Variants in ALOX12 observed in about 807,000 individuals in gnomAD.
ALOX12 encodes the protein arachidonate 12-lipoxygenase, 12S type, also known as polyunsaturated fatty acid lipoxygenase ALOX12.
A neutral mutation model predicts 85.5 loss-of-function variants in ALOX12; 62 were observed. That is an observed-to-expected ratio of 0.73 (90% CI 0.59 to 0.90). ALOX12 has a LOEUF of 0.90. Ranked by LOEUF, ALOX12 falls within the 40% of genes least tolerant of loss-of-function variation. The pLI, the probability that ALOX12 is intolerant of heterozygous loss-of-function variation, is 0.00. For synonymous variants in ALOX12, 299 were observed against 332.7 expected, an observed-to-expected ratio of 0.90 and a Z score of 1.10; for missense variants, 751 against 856.5, an observed-to-expected ratio of 0.88 and a Z score of 1.54.
Position 6,996,962 on chromosome 17 carries a change from A to T in ALOX12, c.272A>T (p.Glu91Val), listed in dbSNP as rs766775354. 1.3e-6 allele frequency: 2 copies of T among 1,589,594 alleles called. No homozygotes were observed. Among genetic ancestry groups the T allele is most frequent in the Admixed American group, 1.8e-5 (1 of 56,000 alleles). The change falls in exon 2 of 14, where the codon GAG becomes GTG. Residue 91 changes from glutamate to valine, a missense_variant. Glu to Val is a moderately radical substitution (Grantham distance 121, BLOSUM62 -2). Transcript: ENST00000251535. The part of the protein sequence containing the change: ...ITVQGPGACA[E>V]VAFPCYRWVQ... ...GTGCAGGGCCCTGGAGCCTGCGCGGAGGTGGCCTTCCCGTGCTACCGCTGG... is the reference window on the plus strand; with the variant it reads ...GTGCAGGGCCCTGGAGCCTGCGCGGTGGTGGCCTTCCCGTGCTACCGCTGG...
Position 7,010,283 on chromosome 17 carries a change from C to T in ALOX12, c.1852C>T (p.Pro618Ser). 1.2e-6 allele frequency: 2 copies of T among 1,614,116 alleles called. No individual in the cohort carries two copies. The highest frequency in any genetic ancestry group is 1.7e-6 in the Non-Finnish European group (2 of 1,180,036). Residue 618 changes from proline to serine, a missense_variant, in exon 14 of 14, where the codon CCC (proline) becomes TCC (serine). Transcript: ENST00000251535. ...CCACAAAGAAAAATATTTCTCAGGC[C>T]CCAAGCCCAAAGCTGTGCTAAACCA... ...GHHKEKYFSG[P>S]KPKAVLNQFR...
chr17:7,009,951 T>G lies in ALOX12; in HGVS notation c.1642-5T>G. On this transcript the variant is annotated splice_polypyrimidine_tract_variant and splice_region_variant and intron_variant, in intron 12 of 13. Coordinates refer to ENST00000251535, the MANE Select transcript of ALOX12 (RefSeq NM_000697.3). Reference sequence around the variant, plus strand: ...GGGTTCTAGGGTTACAGTTTCTTCCTCCAGCTGGACTGGTATGCCTGGGTC... The same window carrying G: ...GGGTTCTAGGGTTACAGTTTCTTCCGCCAGCTGGACTGGTATGCCTGGGTC... The G allele has an allele frequency of 6.2e-7, 1 of 1,613,462 alleles. No individual in the cohort carries two copies. Among genetic ancestry groups the G allele is most frequent in the Non-Finnish European group, 8.5e-7 (1 of 1,179,494 alleles).
chr17:7,007,382 G>A (rs1363884095), intron 11 of ALOX12, among the ~76,000 whole-genome samples: 1 of 152,188 alleles, frequency 6.6e-6, no homozygotes, highest in African/African-American at 2.4e-5. Context: ...TTCAGATCTA[G>A]GCTGTGAATA....
At chr17:6,999,162 T>A (rs1908588704) in intron 5 of ALOX12, 106 bp downstream of exon 5, 1 of 1,472,976 alleles carries the variant, frequency 6.8e-7, no homozygotes, top group Non-Finnish European at 9.3e-7. Flanking sequence ...CCTTATCATA[T>A]CTGGTCAACT....
chr17:6,996,225 G>A lies in ALOX12; in HGVS notation c.108G>A (p.Glu36=). 8.0e-7 allele frequency: 1 copy of A among 1,249,382 alleles called. No individual in the cohort carries two copies. The highest frequency in any genetic ancestry group is 3.9e-5 in the South Asian group (1 of 25,472). 77.4% of individuals were successfully genotyped at this position (1,249,382 alleles called of 1,614,324 possible). A position where few individuals can be genotyped will look rare whatever the true frequency, so the allele number is the denominator to read the frequency against. The change falls in exon 1 of 14, where the codon GAG becomes GAA. Residue 36 remains glutamate, a synonymous_variant. Coordinates refer to ENST00000251535, the MANE Select transcript of ALOX12 (RefSeq NM_000697.3). Reference sequence around the variant, plus strand: ...GGACGCGCGGGGAGGCGGAGCTGGAGCTGCAGCTGCGGCCCGCGCGGGGCG... The same window carrying A: ...GGACGCGCGGGGAGGCGGAGCTGGAACTGCAGCTGCGGCCCGCGCGGGGCG... ...LVGTRGEAEL[E]LQLRPARGEE... is the part of the protein sequence containing the mutation.
chr17:7,005,303 C>A lies in ALOX12; in HGVS notation c.1208C>A (p.Ala403Asp). Residue 403 changes from alanine to aspartate, a missense_variant, in exon 9 of 14, where the codon GCC becomes GAC. Coordinates refer to ENST00000251535, the MANE Select transcript of ALOX12 (RefSeq NM_000697.3). ...TACACCATGGAAATCAACACCCGGGCCCGGACCCAACTCATCTCAGATGGA... is the reference window on the plus strand; with the variant it reads ...TACACCATGGAAATCAACACCCGGGACCGGACCCAACTCATCTCAGATGGA... ...IRYTMEINTR[A>D]RTQLISDGGI... 1 of 1,613,886 alleles carries A rather than the reference C, an allele frequency of 6.2e-7. No homozygotes were observed. The highest frequency in any genetic ancestry group is 1.1e-5 in the South Asian group (1 of 91,070).
At chr17:7,006,749 A>G in intron 11 of ALOX12, 142 bp downstream of exon 11, 1 of 1,160,324 alleles carries the variant, frequency 8.6e-7, no homozygotes. Context: ...TGTGTATCCC[A>G]TTCCCACCTC....
In ALOX12 at chr17:7,010,536, C is replaced by G. The variant is rs11571365; in HGVS notation, c.*113C>G. The G allele has an allele frequency of 7.7e-7, 1 of 1,292,866 alleles. No individual in the cohort carries two copies. Among genetic ancestry groups the G allele is most frequent in the Non-Finnish European group, 1.0e-6 (1 of 957,950 alleles). The allele number at this position is 1,292,866 out of a possible 1,614,324, so 80.1% of individuals were successfully genotyped here. A position where few individuals can be genotyped will look rare whatever the true frequency, so the allele number is the denominator to read the frequency against. On this transcript the variant is annotated 3_prime_UTR_variant, in exon 14 of 14. Transcript: ENST00000251535. ...GCTGCTAAGGCTCTATTTCCTCCCCCAGTTAAACCCCCTACATTAGTATCC... is the reference window on the plus strand; with the variant it reads ...GCTGCTAAGGCTCTATTTCCTCCCCGAGTTAAACCCCCTACATTAGTATCC...
At chr17:6,999,646 G>C in intron 6 of ALOX12, 180 bp downstream of exon 6, 1 of 623,774 alleles carries the variant, frequency 1.6e-6, no homozygotes. Context: ...GGAGCTCCCA[G>C]CAGGAAGGGG....
intron 11 of ALOX12, chr17:7,009,505 T>G: frequency 2.1e-6 from 1 of 473,718 alleles, no homozygotes; most frequent in Non-Finnish European, 3.8e-6. Context: ...ATCATCTCAT[T>G]TATAATGTAG....
chr17:7,001,908 C>T, intron 8 of ALOX12, 97 bp downstream of exon 8: 1 of 1,059,174 alleles, frequency 9.4e-7, no homozygotes, highest in Non-Finnish European at 1.4e-6. Context: ...CTCTTTGTAG[C>T]AATTTGTGAG....
intron 10 of ALOX12, 109 bp from the exon 11 acceptor site, chr17:7,006,377 G>A (rs933523617): frequency 3.1e-5 from 48 of 1,535,662 alleles, no homozygotes; most frequent in East Asian, 2.5e-4. Context: ...TCCCAAAGGC[G>A]AGGTGTCTTC....
Position 7,000,215 on chromosome 17 carries a change from A to T in ALOX12, c.808-121A>T, listed in dbSNP as rs548758775. The T allele has an allele frequency of 1.4e-5, 17 of 1,185,254 alleles. No homozygotes were observed. The South Asian group carries it at 2.2e-4, about 15-fold the overall frequency. 73.4% of individuals were successfully genotyped at this position (1,185,254 alleles called of 1,614,324 possible). A position where few individuals can be genotyped will look rare whatever the true frequency, so the allele number is the denominator to read the frequency against. On this transcript the variant is annotated intron_variant, in intron 6 of 13. Transcript: ENST00000251535. The surrounding 1 kb of genome is among the most constrained non-coding windows in gnomAD (Gnocchi z 4.6). ...GACCAGGGGCTCTAGTTCTCCCAACAGGGCTCCGGTACTGATGCAGGAGAA... is the reference window on the plus strand; with the variant it reads ...GACCAGGGGCTCTAGTTCTCCCAACTGGGCTCCGGTACTGATGCAGGAGAA...
In ALOX12 at chr17:7,000,563, C is replaced by A; in HGVS notation, c.951+84C>A. ...CAGGGACCCAACCCCCAGCTCTTGG[C>A]TCCCAAACCCCATCCTCACTCAGTG... On this transcript the variant is annotated intron_variant, in intron 7 of 13. Transcript: ENST00000251535. The surrounding 1 kb of genome is among the most constrained non-coding windows in gnomAD (Gnocchi z 4.6). 1 of 1,503,040 alleles carries A rather than the reference C, an allele frequency of 6.7e-7. No homozygotes were observed. The highest frequency in any genetic ancestry group is 9.1e-7 in the Non-Finnish European group (1 of 1,100,066). The allele number at this position is 1,503,040 out of a possible 1,614,324, so 93.1% of individuals were successfully genotyped here.
Position 7,005,844 on chromosome 17 carries a change from A to G in ALOX12, c.1249-14A>G, listed in dbSNP as rs751004020. 25 of 1,608,410 alleles carry G rather than the reference A, an allele frequency of 1.6e-5. No homozygotes were observed. Among genetic ancestry groups the G allele is most frequent in the Non-Finnish European group, 2.0e-5 (24 of 1,178,386 alleles). ...CCTGTTTCCCCCTCTAAGACCTGTGATCTCCTGTCCCAGGCAGTGAGCACA... is the reference window on the plus strand; with the variant it reads ...CCTGTTTCCCCCTCTAAGACCTGTGGTCTCCTGTCCCAGGCAGTGAGCACA... On this transcript the variant is annotated splice_polypyrimidine_tract_variant and intron_variant, in intron 9 of 13. Coordinates refer to ENST00000251535, the MANE Select transcript of ALOX12 (RefSeq NM_000697.3).
chr17:6,998,797 G>A lies in ALOX12; in HGVS notation c.502G>A (p.Glu168Lys). ...DDLPPNMRFH[E>K]EKRLDFEWTL... ...TCTACCTCCAAATATGAGATTCCAT[G>A]AGGAGAAGAGGCTGGACTTTGAATG... The change falls in exon 4 of 14, where the codon GAG (glutamate) becomes AAG (lysine). Residue 168 changes from glutamate (E) to lysine (K), a missense_variant. By Grantham distance (56) the Glu-to-Lys change is moderately conservative. Coordinates refer to ENST00000251535, the MANE Select transcript of ALOX12 (RefSeq NM_000697.3). 1.9e-6 allele frequency: 3 copies of A among 1,614,204 alleles called. No individual in the cohort carries two copies. Among genetic ancestry groups the A allele is most frequent in the South Asian group, 1.1e-5 (1 of 91,080 alleles).
chr17:7,008,303 G>T (rs1385638488), intron 11 of ALOX12, among the ~76,000 whole-genome samples: 1 of 152,112 alleles, frequency 6.6e-6, no homozygotes, highest in Non-Finnish European at 1.5e-5. Context: ...AGTTTTCCCA[G>T]CAGACATTTT....
chr17:7,010,183 A>T, intron 13 of ALOX12, 57 bp downstream of exon 13: 1 of 1,598,828 alleles, frequency 6.3e-7, no homozygotes, highest in Non-Finnish European at 8.5e-7. Context: ...CATCAGAGTG[A>T]GGGGCTGGGC....
chr17:7,003,767 A>C (rs1002401837), intron 8 of ALOX12, among the ~76,000 whole-genome samples: 1 of 152,156 alleles, frequency 6.6e-6, no homozygotes, highest in Non-Finnish European at 1.5e-5. Flanking sequence ...GTTTATCCTT[A>C]GGCATCCTTT....
Sources: allele counts gnomAD v4.1 joint callset (sites outside exome capture counted in the v4.1 genomes callset), GRCh38; gene constraint gnomAD v4.1.1; non-coding constraint Gnocchi (gnomAD v3.1); transcripts MANE v1.5; gene names NCBI Gene and HGNC (gene_info 2026-07-23, HGNC 2026-07-21).